Variants in NCKAP1 observed in about 807,000 individuals in gnomAD.
NCKAP1 encodes the protein NCK associated protein 1.
Under a neutral mutation model 151.2 loss-of-function variants are expected in NCKAP1, and 21 were observed. The ratio of observed to expected loss-of-function variants is 0.14; its 90% CI spans 0.10 to 0.20. The LOEUF is 0.20. NCKAP1 is among the 10% of genes least tolerant of loss of function. NCKAP1 has a pLI of 1.00. For missense variants in NCKAP1, 933 were observed against 1,352.1 expected (o/e 0.69, Z 4.86); for synonymous variants, 484 against 451.8 (o/e 1.07, Z -0.90).
At chr2:182,978,126 A>C (rs547022894) in intron 14 of NCKAP1, among the ~76,000 whole-genome samples, 4 of 152,336 alleles carry the variant, frequency 2.6e-5, no homozygotes, top group South Asian at 4.1e-4. Flanking sequence ...TATCACCAGA[A>C]AAAATTACTT....
At chr2:182,952,672 T>C in intron 22 of NCKAP1, 121 bp downstream of exon 22, 11 of 1,180,282 alleles carry the variant, frequency 9.3e-6, no homozygotes, top group Non-Finnish European at 1.3e-5. Flanking sequence ...AGATACAATA[T>C]GCAGTTACGC....
chr2:182,983,933 A>T (rs1341163270), intron 10 of NCKAP1, among the ~76,000 whole-genome samples: 1 of 152,022 alleles, frequency 6.6e-6, no homozygotes, highest in Admixed American at 6.6e-5. Flanking sequence ...TGGGAGGCTG[A>T]GGCAGGAAAA....
chr2:182,990,659 CA>C (rs1485536675), intron 8 of NCKAP1, among the ~76,000 whole-genome samples: 1 of 152,038 alleles, frequency 6.6e-6, no homozygotes, highest in African/African-American at 2.4e-5. Context: ...TGTAGTGGGC[CA>C]GTTAGAAACC....
intron 23 of NCKAP1, among the ~76,000 whole-genome samples, chr2:182,945,134 C>G (rs1000857679): frequency 7.9e-5 from 12 of 152,022 alleles, no homozygotes; most frequent in African/African-American, 2.9e-4. Context: ...ACTCGGGAGG[C>G]TGAGGCAGGA....
At position 182,995,691 on chromosome 2, in the gene NCKAP1, AG is replaced by A; in HGVS notation, c.741+9del. On this transcript the variant is annotated intron_variant, in intron 7 of 30. Coordinates refer to ENST00000361354, the MANE Select transcript of NCKAP1 (RefSeq NM_013436.5). Reference sequence around the variant, plus strand: ...TTATTTTCATTCAAAAGAGAAAAATAGAACCATACAGTGTCGGACTGTGCTG... The same window carrying A: ...TTATTTTCATTCAAAAGAGAAAAATAAACCATACAGTGTCGGACTGTGCTG... The A allele has an allele frequency of 1.2e-6, 2 of 1,602,780 alleles. No homozygotes were observed. Among genetic ancestry groups the A allele is most frequent in the East Asian group, 4.5e-5 (2 of 44,796 alleles).
chr2:183,011,755 C>A (rs1379372523), intron 2 of NCKAP1, among the ~76,000 whole-genome samples: 1 of 152,192 alleles, frequency 6.6e-6, no homozygotes, highest in Non-Finnish European at 1.5e-5. Context: ...ATTTTCATTT[C>A]TCTTCGGATA....
At chr2:183,012,349 A>T (rs1049244160) in intron 2 of NCKAP1, among the ~76,000 whole-genome samples, 2 of 152,196 alleles carry the variant, frequency 1.3e-5, no homozygotes, top group African/African-American at 4.8e-5. Flanking sequence ...GTACATGAAT[A>T]CATACTGACA....
At chr2:183,009,471 G>GCAGGC in intron 2 of NCKAP1, among the ~76,000 whole-genome samples, 1 of 92,166 alleles carries the variant, frequency 1.1e-5, no homozygotes, top group South Asian at 2.9e-4. Context: ...AGGAAGGAAG[G>GCAGGC]AAGGAAGCAA....
chr2:182,938,951 G>A (rs1332649460), intron 24 of NCKAP1, among the ~76,000 whole-genome samples: 1 of 152,152 alleles, frequency 6.6e-6, no homozygotes, highest in Non-Finnish European at 1.5e-5. Flanking sequence ...CAAAGTTCAA[G>A]ATTTTTACTG....
intron 22 of NCKAP1, 33 bp from the exon 23 acceptor site, chr2:182,952,535 G>A (rs370082631): frequency 1.5e-5 from 22 of 1,441,368 alleles, no homozygotes; most frequent in East Asian, 1.1e-4. Context: ...TTATACTTCC[G>A]ACAGAGCAAA....
At chr2:183,009,078 G>A (rs1698536607) in intron 2 of NCKAP1, among the ~76,000 whole-genome samples, 1 of 151,966 alleles carries the variant, frequency 6.6e-6, no homozygotes, top group African/African-American at 2.4e-5. Context: ...ATATATTTTA[G>A]GAAAATGTAT....
intron 15 of NCKAP1, among the ~76,000 whole-genome samples, chr2:182,967,710 C>T (rs2368352): frequency 0.6 from 91,193 of 152,000 alleles, 30,467 homozygotes; most frequent in East Asian, 0.86. Context: ...ACAAAACACA[C>T]ACAGGAAGCA....
intron 15 of NCKAP1, among the ~76,000 whole-genome samples, chr2:182,969,777 ATAAG>A (rs1313257868): frequency 6.6e-6 from 1 of 152,108 alleles, no homozygotes; most frequent in Non-Finnish European, 1.5e-5. Flanking sequence ...GCAGAAGGAG[ATAAG>A]TAATAAAGAT....
At position 182,971,173 on chromosome 2, in the gene NCKAP1, T is replaced by C. The variant is rs1575038663; in HGVS notation, c.1483-3812A>G. On this transcript the variant is annotated intron_variant, in intron 15 of 30. Transcript: ENST00000361354. ...ACTTTGGGAGGCCGAGGCGGGCGGA[T>C]CACGAGGTCAGGAGATCGAGACCAT... is the stretch of plus-strand genomic sequence containing the variant. Among the ~76,000 whole-genome samples, 3 of 151,706 alleles carry C rather than the reference T, an allele frequency of 2.0e-5. No homozygotes were observed. In the South Asian group the frequency reaches 6.2e-4, roughly 32 times the overall value.
intron 2 of NCKAP1, among the ~76,000 whole-genome samples, chr2:183,006,217 T>C (rs1017998363): frequency 2.0e-5 from 3 of 152,204 alleles, no homozygotes; most frequent in Admixed American, 1.3e-4. Context: ...TATGCAACCA[T>C]GGTTAAATGA....
Position 182,998,113 on chromosome 2 carries a change from G to A in NCKAP1, c.604-2275C>T, listed in dbSNP as rs766157427. Among the ~76,000 whole-genome samples, 7 of 152,178 alleles carry A rather than the reference G, an allele frequency of 4.6e-5. No homozygotes were observed. In the South Asian group the frequency reaches 6.2e-4, roughly 14 times the overall value. ...CTCAATAGATGCAGAAAAAGCATTC[G>A]ATAAAATCCAATATCCCTTCACGAT... On this transcript the variant is annotated intron_variant, in intron 6 of 30. Transcript: ENST00000361354.
intron 1 of NCKAP1, among the ~76,000 whole-genome samples, chr2:183,026,975 C>T (rs1248652129): frequency 6.6e-6 from 1 of 152,094 alleles, no homozygotes; most frequent in African/African-American, 2.4e-5. Context: ...TGTTAACTTC[C>T]TTATGCAACT....
chr2:182,968,168 G>A (rs796598724), intron 15 of NCKAP1, among the ~76,000 whole-genome samples: 2 of 152,282 alleles, frequency 1.3e-5, no homozygotes, highest in African/African-American at 4.8e-5. Context: ...GTTCTATGTG[G>A]TGGCCAGTTT....
At chr2:183,002,904 A>C in intron 4 of NCKAP1, 70 bp downstream of exon 4, 1 of 1,150,040 alleles carries the variant, frequency 8.7e-7, no homozygotes, top group Non-Finnish European at 1.3e-6. Context: ...CTAGCTAAAG[A>C]AAAGCAAGTG....
Sources: allele counts gnomAD v4.1 joint callset (sites outside exome capture counted in the v4.1 genomes callset), GRCh38; gene constraint gnomAD v4.1.1; transcripts MANE v1.5; gene names NCBI Gene and HGNC (gene_info 2026-07-23, HGNC 2026-07-21).